The following EIF3L variants were observed in gnomAD, a reference collection of about 807,000 sequenced individuals.
EIF3L encodes the protein eIEF associated protein HSPC021.
In EIF3L, 32 loss-of-function variants were observed where a neutral mutation model predicts 74.6. That is an observed-to-expected ratio of 0.43 (90% CI 0.32 to 0.58). The LOEUF is 0.58. Ranked by LOEUF, EIF3L falls within the 20% of genes least tolerant of loss-of-function variation. The pLI is 0.06. For synonymous variants in EIF3L, 256 were observed against 254.4 expected, an observed-to-expected ratio of 1.01 and a Z score of -0.06; for missense variants, 474 against 707.8, an observed-to-expected ratio of 0.67 and a Z score of 3.75.
intron 5 of EIF3L, among the ~76,000 whole-genome samples, chr22:37,861,226 C>T (rs1925837787): frequency 6.6e-6 from 1 of 152,034 alleles, no homozygotes; most frequent in African/African-American, 2.4e-5. Context: ...CTCACAGTTA[C>T]TCACCCCTCT....
rs1927463342 is a variant in EIF3L at position 37,889,097 on chromosome 22, T to A, written c.*633T>A. 6.6e-6 allele frequency: 1 copy of A among 152,276 alleles called. No individual in the cohort carries two copies. Among genetic ancestry groups the A allele is most frequent in the Non-Finnish European group, 1.5e-5 (1 of 68,162 alleles). 9.4% of individuals were successfully genotyped at this position (152,276 alleles called of 1,614,324 possible). On this transcript the variant is annotated 3_prime_UTR_variant, in exon 13 of 13. Transcript: ENST00000652021. ...CGGAGTCTCACTCTGTCGCCCAGGT[T>A]GGAGTGTACTGGCGCGATCTCGGCT...
At chr22:37,864,980 G>C (rs897587107) in intron 7 of EIF3L, among the ~76,000 whole-genome samples, 1 of 152,192 alleles carries the variant, frequency 6.6e-6, no homozygotes, top group African/African-American at 2.4e-5. Flanking sequence ...CATAGTGCCT[G>C]TCACAGAATA....
At chr22:37,878,969 A>T (rs112732470) in intron 11 of EIF3L, 14 of 138,610 alleles carry the variant, frequency 1.0e-4, no homozygotes, top group South Asian at 2.3e-4. Flanking sequence ...TTTTTTTGAC[A>T]GTCTTGGTCT....
intron 7 of EIF3L, among the ~76,000 whole-genome samples, chr22:37,865,312 C>T (rs547694016): frequency 5.3e-5 from 8 of 150,564 alleles, no homozygotes; most frequent in African/African-American, 1.9e-4. Context: ...AAAAAAAAAA[C>T]AGCTGGGCGT....
In EIF3L at chr22:37,869,789, C is replaced by G. The variant is rs1489920944; in HGVS notation, c.580-387C>G. ...ACTGCCCATAACCCAGGGCGTACCACAGTCTAGCTGCATCTGAATAGATGG... is the reference window on the plus strand; with the variant it reads ...ACTGCCCATAACCCAGGGCGTACCAGAGTCTAGCTGCATCTGAATAGATGG... On this transcript the variant is annotated intron_variant, in intron 7 of 12. Transcript: ENST00000652021. 2.6e-5 allele frequency among the ~76,000 whole-genome samples: 4 copies of G among 152,148 alleles called. No homozygotes were observed. The East Asian group carries it at 7.7e-4, about 29-fold the overall frequency.
At chr22:37,851,790 C>T (rs1478443546) in intron 3 of EIF3L, among the ~76,000 whole-genome samples, 2 of 152,172 alleles carry the variant, frequency 1.3e-5, no homozygotes, top group East Asian at 1.9e-4. Flanking sequence ...CTCAGCTTCC[C>T]GAGTAGCTGG....
chr22:37,865,487 A>G (rs1926101735), intron 7 of EIF3L, among the ~76,000 whole-genome samples: 1 of 152,160 alleles, frequency 6.6e-6, no homozygotes, highest in African/African-American at 2.4e-5. Context: ...AATAAAATAT[A>G]TAATTTGACA....
rs71195065 is a variant in EIF3L at position 37,868,634 on chromosome 22, C to CTTTTTTTTTTTTTTTTTTTTT, written c.580-1537_580-1517dup. 3.2e-4 allele frequency among the ~76,000 whole-genome samples: 8 copies of CTTTTTTTTTTTTTTTTTTTTT among 25,132 alleles called. 2 individuals are homozygous for CTTTTTTTTTTTTTTTTTTTTT. Among genetic ancestry groups the CTTTTTTTTTTTTTTTTTTTTT allele is most frequent in the Non-Finnish European group, 4.7e-4 (6 of 12,814 alleles). The allele number at this position is 25,132 out of a possible 152,430, so 16.5% of individuals were successfully genotyped here. A position where few individuals can be genotyped will look rare whatever the true frequency, so the allele number is the denominator to read the frequency against. ...ACACCTGGCTATTTTTGTTTTGGTG[C>CTTTTTTTTTTTTTTTTTTTTT]TTTTTTTTTTTTTTTTTTTTTTTTT... On this transcript the variant is annotated intron_variant, in intron 7 of 12. Coordinates refer to ENST00000652021, the MANE Select transcript of EIF3L (RefSeq NM_016091.4).
chr22:37,878,290 A>G (rs1273192013), intron 11 of EIF3L, 119 bp downstream of exon 11: 2 of 1,328,786 alleles, frequency 1.5e-6, no homozygotes, highest in Non-Finnish European at 2.0e-6. Context: ...TGGTGCTGCC[A>G]CAAGGTGCCA....
At position 37,849,428 on chromosome 22, in the gene EIF3L, G is replaced by A. The variant is rs755314685; in HGVS notation, c.-22G>A. ...GGCCGCTCATTTCGCTCTTTCCGGCGGTGCTCGCAAGCGAGGCAGCCATGT... is the reference window on the plus strand; with the variant it reads ...GGCCGCTCATTTCGCTCTTTCCGGCAGTGCTCGCAAGCGAGGCAGCCATGT... On this transcript the variant is annotated 5_prime_UTR_variant, in exon 1 of 13. Coordinates refer to ENST00000652021, the MANE Select transcript of EIF3L (RefSeq NM_016091.4). 2 of 1,613,824 alleles carry A rather than the reference G, an allele frequency of 1.2e-6. No individual in the cohort carries two copies. Among genetic ancestry groups the A allele is most frequent in the African/African-American group, 2.7e-5 (2 of 74,932 alleles).
At chr22:37,873,277 C>T (rs528855024) in intron 8 of EIF3L, among the ~76,000 whole-genome samples, 2 of 150,136 alleles carry the variant, frequency 1.3e-5, no homozygotes, top group African/African-American at 4.9e-5. Context: ...GCATGAGCTG[C>T]GCTCAGTTGC....
chr22:37,858,888 G>C (rs1289647996), intron 5 of EIF3L, 148 bp downstream of exon 5: 1 of 715,568 alleles, frequency 1.4e-6, no homozygotes, highest in African/African-American at 1.8e-5. Flanking sequence ...GCGGTGGAAG[G>C]AACAGTTTAA....
chr22:37,867,700 A>AT (rs1198092900), intron 7 of EIF3L, among the ~76,000 whole-genome samples: 1 of 150,772 alleles, frequency 6.6e-6, no homozygotes, highest in Non-Finnish European at 1.5e-5. Flanking sequence ...CACACCTGTA[A>AT]TCCCAGCACT....
At chr22:37,877,442 CAG>C in intron 10 of EIF3L, 1 of 531,890 alleles carries the variant, frequency 1.9e-6, no homozygotes, top group South Asian at 2.7e-5. Context: ...GAGACTAAGA[CAG>C]AGGTGCCAGT....
At chr22:37,870,112 T>G in intron 7 of EIF3L, 64 bp from the exon 8 acceptor site, 1 of 1,434,686 alleles carries the variant, frequency 7.0e-7, no homozygotes, top group South Asian at 1.4e-5. Flanking sequence ...TTTTCAGCAT[T>G]GTGGACATGG....
At chr22:37,880,109 T>C (rs962847184) in intron 11 of EIF3L, 1 of 150,032 alleles carries the variant, frequency 6.7e-6, no homozygotes, top group Middle Eastern at 3.3e-3. Flanking sequence ...TATTATTTTA[T>C]TTTTATTTTA....
intron 8 of EIF3L, among the ~76,000 whole-genome samples, chr22:37,872,820 C>G (rs948454292): frequency 6.6e-6 from 1 of 151,298 alleles, no homozygotes; most frequent in Non-Finnish European, 1.5e-5. Flanking sequence ...GAAACAAGGT[C>G]TCACTTTGTT....
At chr22:37,880,618 C>G (rs1283949234) in intron 11 of EIF3L, 1 of 152,136 alleles carries the variant, frequency 6.6e-6, no homozygotes, top group Non-Finnish European at 1.5e-5. Context: ...GTTGCCCAGC[C>G]TGGTCTCGAA....
At chr22:37,884,594 A>C (rs1331106687) in intron 11 of EIF3L, 2 of 152,190 alleles carry the variant, frequency 1.3e-5, no homozygotes, top group African/African-American at 4.8e-5. Flanking sequence ...AAAAGTAATA[A>C]CACGTCAGTA....
Sources: gnomAD v4.1 joint callset for allele counts (sites outside exome capture counted in the v4.1 genomes callset) on GRCh38, gnomAD v4.1.1 for gene constraint, MANE v1.5 for transcripts, NCBI Gene and HGNC (gene_info 2026-07-23, HGNC 2026-07-21) for gene names.